ATP6V1H: variants seen among roughly 807,000 people sequenced by gnomAD.
The protein encoded by ATP6V1H is V-type proton ATPase subunit H.
A neutral mutation model predicts 71.7 loss-of-function variants in ATP6V1H; 39 were observed. That is an observed-to-expected ratio of 0.54 (90% CI 0.42 to 0.71). ATP6V1H has a LOEUF of 0.71. ATP6V1H is among the 30% of genes least tolerant of loss of function. The pLI, the probability that ATP6V1H is intolerant of heterozygous loss-of-function variation, is 0.00. For synonymous variants in ATP6V1H, 192 were observed against 199.3 expected, an observed-to-expected ratio of 0.96 and a Z score of 0.31; for missense variants, 509 against 594.9, an observed-to-expected ratio of 0.86 and a Z score of 1.50.
At chr8:53,785,033 G>A (rs1176954662) in intron 9 of ATP6V1H, among the ~76,000 whole-genome samples, 1 of 152,010 alleles carries the variant, frequency 6.6e-6, no homozygotes, top group Admixed American at 6.6e-5. Flanking sequence ...TGCTCTTCTC[G>A]AGGAGTATCC....
chr8:53,787,507 A>C (rs1360209958), intron 9 of ATP6V1H, among the ~76,000 whole-genome samples: 1 of 152,166 alleles, frequency 6.6e-6, no homozygotes, highest in Non-Finnish European at 1.5e-5. Context: ...ATCATGATTA[A>C]TCTATCTAAT....
rs767372951 is a variant in ATP6V1H at position 53,795,829 on chromosome 8, C to A, written c.688G>T (p.Val230Leu). ...TGAAAGCCACACTTGTTACTCAACA[C>A]TCCCATTATGCTGAAAAACAAACAA... ...EADGVNCIMG[V>L]LSNKCGFQLQ... The change falls in exon 9 of 14, where the codon GTG (valine) becomes TTG (leucine). Residue 230 changes from valine to leucine, a missense_variant. Val to Leu is a conservative substitution (Grantham distance 32). Around this residue, in one of 2 missense-constraint regions of ATP6V1H, gnomAD observed 297 missense variants for 303.3 expected, o/e 0.98. Coordinates refer to ENST00000359530, the MANE Select transcript of ATP6V1H (RefSeq NM_015941.4). 6.2e-7 allele frequency: 1 copy of A among 1,600,138 alleles called. No individual in the cohort carries two copies. Among genetic ancestry groups the A allele is most frequent in the Non-Finnish European group, 8.5e-7 (1 of 1,175,596 alleles).
At chr8:53,759,147 T>C (rs1808175645) in intron 11 of ATP6V1H, among the ~76,000 whole-genome samples, 1 of 152,228 alleles carries the variant, frequency 6.6e-6, no homozygotes, top group Non-Finnish European at 1.5e-5. Flanking sequence ...AGCACAGCCT[T>C]AGAGTCAGAT....
intron 9 of ATP6V1H, among the ~76,000 whole-genome samples, chr8:53,780,815 T>C (rs1312539144): frequency 2.0e-5 from 3 of 152,310 alleles, no homozygotes; most frequent in Admixed American, 6.5e-5. Flanking sequence ...CTTGTGATAG[T>C]TTGCTGAGAA....
At chr8:53,772,257 C>G (rs1342741292) in intron 9 of ATP6V1H, 90 bp from the exon 10 acceptor site, 3 of 1,008,400 alleles carry the variant, frequency 3.0e-6, no homozygotes, top group Non-Finnish European at 1.4e-6. Context: ...AGTCTCTCTC[C>G]TCCTCCTATT....
chr8:53,839,584 T>TG, intron 2 of ATP6V1H: 1 of 984,080 alleles, frequency 1.0e-6, no homozygotes, highest in Non-Finnish European at 1.2e-6. Context: ...GTTACTGCTA[T>TG]AGCTTCTCTC....
intron 9 of ATP6V1H, among the ~76,000 whole-genome samples, chr8:53,775,586 T>C (rs1808848110): frequency 2.0e-5 from 3 of 152,182 alleles, no homozygotes; most frequent in Admixed American, 1.3e-4. Context: ...AGCAGCTAGA[T>C]ACAGAGTGTC....
intron 12 of ATP6V1H, among the ~76,000 whole-genome samples, chr8:53,749,588 T>A (rs986834764): frequency 2.0e-5 from 3 of 152,140 alleles, no homozygotes; most frequent in Non-Finnish European, 4.4e-5. Flanking sequence ...GGCTTATAAC[T>A]GAGCTTTTAG....
Position 53,823,038 on chromosome 8 carries a change from C to T in ATP6V1H, c.307-5508G>A, listed in dbSNP as rs144498967. ...AAAAAATGCATTTATAAGGGGGAGA[C>T]GTTTAACATACCACTCTTAGTACAA... On this transcript the variant is annotated intron_variant, in intron 4 of 13. Coordinates refer to ENST00000359530, the MANE Select transcript of ATP6V1H (RefSeq NM_015941.4). Among the ~76,000 whole-genome samples, 9 of 151,702 alleles carry T rather than the reference C, an allele frequency of 5.9e-5. No homozygotes were observed. In the East Asian group the frequency reaches 1.7e-3, roughly 29 times the overall value.
intron 9 of ATP6V1H, among the ~76,000 whole-genome samples, chr8:53,780,230 A>G (rs1809058511): frequency 6.6e-6 from 1 of 152,098 alleles, no homozygotes; most frequent in African/African-American, 2.4e-5. Flanking sequence ...TCAATAACTA[A>G]TGTAGAACAA....
chr8:53,716,905 AT>A (rs1361072285), intron 13 of ATP6V1H, among the ~76,000 whole-genome samples: 1 of 152,216 alleles, frequency 6.6e-6, no homozygotes, highest in East Asian at 1.9e-4. Context: ...AGAAAAAACT[AT>A]TTAAAAGTTT....
At chr8:53,819,178 C>G (rs186517669) in intron 4 of ATP6V1H, among the ~76,000 whole-genome samples, 336 of 151,994 alleles carry the variant, frequency 2.2e-3, no homozygotes, top group African/African-American at 7.7e-3. Flanking sequence ...TGCACTTTAG[C>G]CTGGGTGACA....
chr8:53,840,429 C>T (rs555690055), intron 2 of ATP6V1H, among the ~76,000 whole-genome samples: 23 of 151,142 alleles, frequency 1.5e-4, no homozygotes, highest in Middle Eastern at 3.4e-3. Context: ...ACCCGGGAGG[C>T]GGAGGATGCA....
intron 6 of ATP6V1H, among the ~76,000 whole-genome samples, chr8:53,811,422 A>T (rs1810270153): frequency 6.6e-6 from 1 of 152,226 alleles, no homozygotes; most frequent in African/African-American, 2.4e-5. Flanking sequence ...CAGATAATAT[A>T]TTAATCAGTA....
chr8:53,788,791 C>T (rs575064088), intron 9 of ATP6V1H, among the ~76,000 whole-genome samples: 35 of 152,190 alleles, frequency 2.3e-4, no homozygotes, highest in Non-Finnish European at 4.6e-4. Flanking sequence ...GAAACAGTTA[C>T]ACTACTCTAT....
At chr8:53,769,097 A>C (rs937779917) in intron 11 of ATP6V1H, among the ~76,000 whole-genome samples, 25 of 152,176 alleles carry the variant, frequency 1.6e-4, no homozygotes, top group African/African-American at 6.0e-4. Context: ...TCCCTTACCC[A>C]AAAATCAATT....
At chr8:53,836,227 T>C (rs1409165406) in intron 2 of ATP6V1H, among the ~76,000 whole-genome samples, 1 of 152,118 alleles carries the variant, frequency 6.6e-6, no homozygotes, top group Admixed American at 6.5e-5. Context: ...TACCCCTAAA[T>C]TTTGCTATGC....
intron 13 of ATP6V1H, among the ~76,000 whole-genome samples, chr8:53,728,950 T>A (rs561272543): frequency 6.6e-6 from 1 of 152,336 alleles, no homozygotes; most frequent in East Asian, 1.9e-4. Context: ...GAAACGTACA[T>A]CACCATAGCC....
intron 12 of ATP6V1H, among the ~76,000 whole-genome samples, chr8:53,744,443 G>A (rs1030311475): frequency 6.6e-6 from 1 of 152,230 alleles, no homozygotes; most frequent in Non-Finnish European, 1.5e-5. Flanking sequence ...TACAGACAGA[G>A]CTGTGGAGTC....
Sources: gnomAD v4.1 joint callset for allele counts (sites outside exome capture counted in the v4.1 genomes callset) on GRCh38, gnomAD v4.1.1 for gene constraint, gnomAD v4.1.1 regional missense constraint, MANE v1.5 for transcripts, NCBI Gene and HGNC (gene_info 2026-07-23, HGNC 2026-07-21) for gene names.